The following RMND1 variants were observed in gnomAD, a reference collection of about 807,000 sequenced individuals.
RMND1 encodes the protein required for meiotic nuclear division protein 1 homolog.
RMND1 carries 41 observed loss-of-function variants against 54.0 expected under a neutral mutation model. That is an observed-to-expected ratio of 0.76 (90% CI 0.59 to 0.98). The LOEUF is 0.98. Among genes scored for constraint, RMND1 ranks in the 50% least tolerant of loss-of-function variants. The pLI is 0.00. For missense variants in RMND1, 457 were observed against 532.0 expected, an observed-to-expected ratio of 0.86 and a Z score of 1.39; for synonymous variants, 183 against 181.7, an observed-to-expected ratio of 1.01 and a Z score of -0.06.
chr6:151,417,186 T>C, intron 10 of RMND1, 93 bp downstream of exon 10: 2 of 1,355,534 alleles, frequency 1.5e-6, no homozygotes, highest in Non-Finnish European at 2.0e-6. Flanking sequence ...TGAATGGAAG[T>C]CAAACAAGAT....
chr6:151,421,357 T>C (rs1482903617), intron 8 of RMND1, 36 bp from the exon 9 acceptor site: 11 of 1,478,586 alleles, frequency 7.4e-6, no homozygotes, highest in East Asian at 6.8e-5. Flanking sequence ...CAAAAAACCA[T>C]GTATCTCTCT....
chr6:151,448,114 C>A (rs2114975254), intron 1 of RMND1, among the ~76,000 whole-genome samples: 1 of 152,274 alleles, frequency 6.6e-6, no homozygotes, highest in East Asian at 1.9e-4. Flanking sequence ...CCGGACCCAG[C>A]CCATTTTTAT....
Position 151,406,380 on chromosome 6 carries a change from T to G in RMND1, c.1201-544A>C, listed in dbSNP as rs143338175. 2.0e-5 allele frequency among the ~76,000 whole-genome samples: 3 copies of G among 152,122 alleles called. No homozygotes were observed. In the East Asian group the frequency reaches 5.8e-4, roughly 30 times the overall value. ...TTTTTTTGTTGTTGTTGTTGTTTTT[T>G]GGGATGGAGTCTCCCTCTGTCGCCC... On this transcript the variant is annotated intron_variant, in intron 10 of 11. Transcript: ENST00000444024.
At chr6:151,432,555 T>C (rs1467476060) in intron 4 of RMND1, among the ~76,000 whole-genome samples, 6 of 152,140 alleles carry the variant, frequency 3.9e-5, no homozygotes, top group Non-Finnish European at 8.8e-5. Flanking sequence ...CTCAGTTTCC[T>C]CAGGTGCAAA....
Position 151,449,060 on chromosome 6 carries a change from C to CAAAAAAAAAAAAAAAAAAAAAA in RMND1, c.-15+2934_-15+2955dup, listed in dbSNP as rs71014585. 1.1e-4 allele frequency among the ~76,000 whole-genome samples: 2 copies of CAAAAAAAAAAAAAAAAAAAAAA among 18,662 alleles called. 1 individual carries two copies. Among genetic ancestry groups the CAAAAAAAAAAAAAAAAAAAAAA allele is most frequent in the African/African-American group, 5.0e-4 (2 of 4,008 alleles). 12.2% of individuals were successfully genotyped at this position (18,662 alleles called of 152,430 possible). On this transcript the variant is annotated intron_variant, in intron 1 of 11. Coordinates refer to ENST00000444024, the MANE Select transcript of RMND1 (RefSeq NM_017909.4). ...TGAGCAACAAAGCGAGACTCTGTCTCAAAAAAAAAAAAAAAAAAAAAAAAA... is the reference window on the plus strand; with the variant it reads ...TGAGCAACAAAGCGAGACTCTGTCTCAAAAAAAAAAAAAAAAAAAAAAAAAAAAAAAAAAAAAAAAAAAAAAA...
At position 151,434,456 on chromosome 6, in the gene RMND1, CAG is replaced by C. The variant is rs553738088; in HGVS notation, c.614-1228_614-1227del. Among the ~76,000 whole-genome samples the C allele has an allele frequency of 8.4e-4, 126 of 149,992 alleles. 1 individual carries two copies. Among genetic ancestry groups the C allele is most frequent in the African/African-American group, 2.8e-3 (115 of 40,412 alleles). On this transcript the variant is annotated intron_variant, in intron 3 of 11. Transcript: ENST00000444024. ...GTTAATTACTACATCCTACATAGGA[CAG>C]AGTTTGCCTACACAGCCAAAAGCAA... is the stretch of plus-strand genomic sequence containing the variant.
At chr6:151,412,941 C>A (rs535101118) in intron 10 of RMND1, among the ~76,000 whole-genome samples, 1 of 152,302 alleles carries the variant, frequency 6.6e-6, no homozygotes, top group East Asian at 1.9e-4. Context: ...CCAACACGGG[C>A]ATTACCATTC....
intron 2 of RMND1, among the ~76,000 whole-genome samples, chr6:151,442,971 T>A (rs1299948768): frequency 6.6e-6 from 1 of 152,176 alleles, no homozygotes; most frequent in East Asian, 1.9e-4. Flanking sequence ...CAACTCCAGA[T>A]GCACGCTGTT....
intron 3 of RMND1, among the ~76,000 whole-genome samples, chr6:151,433,657 T>C (rs1780508842): frequency 6.6e-6 from 1 of 152,134 alleles, no homozygotes; most frequent in Non-Finnish European, 1.5e-5. Context: ...AATAATGCAA[T>C]TTTAACATTC....
At chr6:151,447,305 C>T (rs1360590088) in intron 1 of RMND1, among the ~76,000 whole-genome samples, 6 of 151,100 alleles carry the variant, frequency 4.0e-5, no homozygotes, top group African/African-American at 1.2e-4. Flanking sequence ...CAGAGTCACA[C>T]GGTCAAATGC....
In RMND1 at chr6:151,445,501, T is replaced by C. The variant is rs1297984195; in HGVS notation, c.311A>G (p.His104Arg). 1.2e-6 allele frequency: 2 copies of C among 1,614,252 alleles called. No homozygotes were observed. Among genetic ancestry groups the C allele is most frequent in the Non-Finnish European group, 1.7e-6 (2 of 1,180,036 alleles). The change falls in exon 2 of 12, where the codon CAC (histidine) becomes CGC (arginine). Residue 104 changes from histidine to arginine, a missense_variant. Transcript: ENST00000444024. ...ATTTGGTTTGTGGGTCACTCTCCTG[T>C]GAGTACCAAAGGATTTCATGGTTGG... ...HLPTMKSFGTHRRVTHKPNLL... is the reference protein window; with the variant it reads ...HLPTMKSFGTRRRVTHKPNLL...
chr6:151,440,209 G>A (rs113286981), intron 2 of RMND1, among the ~76,000 whole-genome samples: 15,241 of 152,064 alleles, frequency 0.1, 826 homozygotes, highest in Middle Eastern at 0.18. Flanking sequence ...TGCCCACCTC[G>A]GCCTCAAGTG....
intron 10 of RMND1, among the ~76,000 whole-genome samples, chr6:151,410,335 A>T (rs137889614): frequency 1.3e-5 from 2 of 152,088 alleles, no homozygotes; most frequent in Non-Finnish European, 2.9e-5. Context: ...GATTACAGGC[A>T]TGAGCCACCG....
At position 151,438,037 on chromosome 6, in the gene RMND1, C is replaced by CT. The variant is rs1780662484; in HGVS notation, c.505-1484dup. On this transcript the variant is annotated intron_variant, in intron 2 of 11. Transcript: ENST00000444024. ...TAACTGCTAATTCCTTCCAAATTAG[C>CT]TAATTCCCATAGTCACATATGAAAG... Among the ~76,000 whole-genome samples, 4 of 152,324 alleles carry CT rather than the reference C, an allele frequency of 2.6e-5. No homozygotes were observed. In the South Asian group the frequency reaches 8.3e-4, roughly 32 times the overall value.
At chr6:151,431,937 CTT>C (rs945752741) in intron 4 of RMND1, among the ~76,000 whole-genome samples, 2 of 143,738 alleles carry the variant, frequency 1.4e-5, no homozygotes, top group Non-Finnish European at 1.5e-5. Flanking sequence ...TTCTTTCTTT[CTT>C]TTTTTTTTTT....
chr6:151,424,918 G>A (rs1780252756), intron 6 of RMND1, among the ~76,000 whole-genome samples: 1 of 152,168 alleles, frequency 6.6e-6, no homozygotes, highest in East Asian at 1.9e-4. Flanking sequence ...CTCAGATGGA[G>A]GAAGGAAAGC....
At position 151,445,507 on chromosome 6, in the gene RMND1, C is replaced by T. The variant is rs1004337554; in HGVS notation, c.305G>A (p.Gly102Asp). 6.2e-7 allele frequency: 1 copy of T among 1,614,032 alleles called. No homozygotes were observed. Among genetic ancestry groups the T allele is most frequent in the Non-Finnish European group, 8.5e-7 (1 of 1,179,990 alleles). The change falls in exon 2 of 12, where the codon GGT (glycine) becomes GAT (aspartate). Residue 102 changes from glycine (G) to aspartate (D), a missense_variant. By Grantham distance (94) the Gly-to-Asp change is moderately conservative (BLOSUM62 -1). Transcript: ENST00000444024. ...TTTGTGGGTCACTCTCCTGTGAGTACCAAAGGATTTCATGGTTGGAAGGTG... is the reference window on the plus strand; with the variant it reads ...TTTGTGGGTCACTCTCCTGTGAGTATCAAAGGATTTCATGGTTGGAAGGTG... ...KAHLPTMKSF[G>D]THRRVTHKPN...
intron 10 of RMND1, among the ~76,000 whole-genome samples, chr6:151,414,198 G>A (rs966575481): frequency 1.3e-5 from 2 of 152,042 alleles, no homozygotes; most frequent in Non-Finnish European, 2.9e-5. Flanking sequence ...ACCTCCCAGG[G>A]TAGCTGAGAC....
In RMND1 at chr6:151,430,261, G is replaced by C. The variant is rs917189772; in HGVS notation, c.690-84C>G. ...CGTATATAAAACCATGTAACTTCTAGAATGTATACAGGATGCGATTTTTCA... is the reference window on the plus strand; with the variant it reads ...CGTATATAAAACCATGTAACTTCTACAATGTATACAGGATGCGATTTTTCA... On this transcript the variant is annotated intron_variant, in intron 4 of 11. Transcript: ENST00000444024. 9 of 953,732 alleles carry C rather than the reference G, an allele frequency of 9.4e-6. No individual in the cohort carries two copies. In the African/African-American group the frequency reaches 1.3e-4, roughly 14 times the overall value. The allele number at this position is 953,732 out of a possible 1,614,324, so 59.1% of individuals were successfully genotyped here.
Sources: gnomAD v4.1 joint callset for allele counts (sites outside exome capture counted in the v4.1 genomes callset) on GRCh38, gnomAD v4.1.1 for gene constraint, MANE v1.5 for transcripts, NCBI Gene and HGNC (gene_info 2026-07-23, HGNC 2026-07-21) for gene names.